S100Z: variants seen among roughly 807,000 people sequenced by gnomAD.
S100Z encodes S100 calcium binding protein Z.
S100Z carries 11 observed loss-of-function variants against 8.5 expected under a neutral mutation model. The observed-to-expected ratio is 1.30, with a 90% CI of 0.82 to 2.15. The LOEUF is 2.15. Among genes scored for constraint, S100Z ranks in the 30% most tolerant of loss-of-function variants. The probability of loss-of-function intolerance (pLI) is 0.00; values close to 1 mark genes in which losing one functional copy is unlikely to be tolerated. For missense variants in S100Z, 126 were observed against 117.9 expected (o/e 1.07, Z -0.32); for synonymous variants, 34 against 43.8 (o/e 0.78, Z 0.89).
At chr5:76,907,750 A>G (rs1000468511) in intron 4 of S100Z, among the ~76,000 whole-genome samples, 5 of 152,218 alleles carry the variant, frequency 3.3e-5, no homozygotes, top group African/African-American at 7.2e-5. Flanking sequence ...ATTAAATTCA[A>G]TATTTGGCCA....
intron 4 of S100Z, among the ~76,000 whole-genome samples, chr5:76,884,329 G>C (rs1220927095): frequency 6.6e-6 from 1 of 152,100 alleles, no homozygotes; most frequent in Admixed American, 6.5e-5. Context: ...GCTATACCTG[G>C]GGAATCTGCC....
chr5:76,867,584 C>CTTTTTTTTTTTTTTTTT (rs57865301), intron 1 of S100Z, among the ~76,000 whole-genome samples: 1 of 144,368 alleles, frequency 6.9e-6, no homozygotes. Flanking sequence ...ATCATCCTTA[C>CTTTTTTTTTTTTTTTTT]TTTTTTTTTT....
At chr5:76,942,569 G>A in the S100Z span, among the ~76,000 whole-genome samples, 3 of 152,132 alleles carry the variant, frequency 2.0e-5, no homozygotes, top group Admixed American at 6.5e-5. Flanking sequence ...AAAGGAGCAG[G>A]GTTTATTGAT....
chr5:76,894,044 G>T (rs937599723), intron 4 of S100Z, among the ~76,000 whole-genome samples: 2 of 152,158 alleles, frequency 1.3e-5, no homozygotes, highest in African/African-American at 4.8e-5. Flanking sequence ...GGAAGTGGGG[G>T]TCTGACGTGC....
At chr5:76,911,524 C>A (rs548728358) in intron 4 of S100Z, among the ~76,000 whole-genome samples, 43 of 152,182 alleles carry the variant, frequency 2.8e-4, no homozygotes, top group African/African-American at 9.9e-4. Flanking sequence ...TTATGTGGAC[C>A]GTCTTGCCCC....
At chr5:76,933,527 C>T in the S100Z span, among the ~76,000 whole-genome samples, 3 of 152,122 alleles carry the variant, frequency 2.0e-5, no homozygotes, top group Non-Finnish European at 2.9e-5. Flanking sequence ...AAGGAGCTGT[C>T]GCCTGTTACT....
intron 4 of S100Z, among the ~76,000 whole-genome samples, chr5:76,913,552 G>GA (rs1196159899): frequency 6.6e-6 from 1 of 152,256 alleles, no homozygotes; most frequent in East Asian, 1.9e-4. Flanking sequence ...TAACAGCAAA[G>GA]AAAAAATCCC....
downstream of S100Z, among the ~76,000 whole-genome samples, chr5:76,925,661 A>G (rs1046944800): frequency 1.3e-5 from 2 of 152,098 alleles, no homozygotes; most frequent in Non-Finnish European, 2.9e-5. Context: ...ACAGTAAGAA[A>G]TCACTTAATA....
the S100Z span, chr5:76,948,723 G>A: frequency 6.6e-6 from 1 of 152,170 alleles, no homozygotes; most frequent in Admixed American, 6.5e-5. Context: ...ACTGTTAGAG[G>A]GAATGGCAAT....
At chr5:76,924,501 C>T (rs1380003993), downstream of S100Z, among the ~76,000 whole-genome samples, 1 of 152,164 alleles carries the variant, frequency 6.6e-6, no homozygotes, top group Non-Finnish European at 1.5e-5. Context: ...AATTTGAGAA[C>T]CCCTGGTCCT....
chr5:76,875,254 C>G, intron 2 of S100Z, 50 bp from the exon 3 acceptor site: 1 of 993,200 alleles, frequency 1.0e-6, no homozygotes, highest in Non-Finnish European at 1.4e-6. Context: ...TTGTAATATT[C>G]TGTTTTAATG....
At chr5:76,926,964 T>C in the S100Z span, among the ~76,000 whole-genome samples, 4 of 152,226 alleles carry the variant, frequency 2.6e-5, no homozygotes, top group African/African-American at 7.2e-5. Context: ...TATGAACTCT[T>C]TATCTCTTAA....
chr5:76,909,690 C>T (rs1744581668), intron 4 of S100Z, among the ~76,000 whole-genome samples: 1 of 152,194 alleles, frequency 6.6e-6, no homozygotes, highest in Admixed American at 6.5e-5. Context: ...ATGTCCCCTT[C>T]AAGCTGTAGG....
At chr5:76,864,782 C>T (rs1751206754) in intron 1 of S100Z, among the ~76,000 whole-genome samples, 5 of 151,682 alleles carry the variant, frequency 3.3e-5, no homozygotes, top group Admixed American at 2.6e-4. Flanking sequence ...GATCTCGGCT[C>T]GCTGCAACCT....
the S100Z span, among the ~76,000 whole-genome samples, chr5:76,938,230 G>T: frequency 6.6e-6 from 1 of 152,302 alleles, no homozygotes; most frequent in African/African-American, 2.4e-5. Context: ...TTCCTCCTGG[G>T]TATGGGCCAG....
At chr5:76,879,817 T>A (rs1443156777) in intron 4 of S100Z, among the ~76,000 whole-genome samples, 1 of 151,696 alleles carries the variant, frequency 6.6e-6, no homozygotes, top group Non-Finnish European at 1.5e-5. Context: ...AGACAGCACG[T>A]GGAGAAGGAA....
At chr5:76,853,205 C>T (rs978918089) in intron 1 of S100Z, among the ~76,000 whole-genome samples, 2 of 152,110 alleles carry the variant, frequency 1.3e-5, no homozygotes, top group Non-Finnish European at 2.9e-5. Flanking sequence ...TAGAGAAATG[C>T]CTGGACTCCC....
the S100Z span, among the ~76,000 whole-genome samples, chr5:76,929,883 A>T: frequency 6.6e-6 from 1 of 152,242 alleles, no homozygotes; most frequent in African/African-American, 2.4e-5. Context: ...CCACTTCCAC[A>T]AAAGGAAAGA....
At chr5:76,924,469 C>T (rs189784831), downstream of S100Z, among the ~76,000 whole-genome samples, 16 of 152,332 alleles carry the variant, frequency 1.1e-4, no homozygotes, top group East Asian at 2.9e-3. Flanking sequence ...AAGATTCTCC[C>T]TGTGATTAGC....
Sources: gnomAD v4.1 joint callset for allele counts (sites outside exome capture counted in the v4.1 genomes callset) on GRCh38, gnomAD v4.1.1 for gene constraint, MANE v1.5 for transcripts, NCBI Gene and HGNC (gene_info 2026-07-23, HGNC 2026-07-21) for gene names.